Variants in PPM1E observed in about 807,000 individuals in gnomAD.
The protein encoded by PPM1E is protein phosphatase 1E.
A neutral mutation model predicts 65.9 loss-of-function variants in PPM1E; 20 were observed. That is an observed-to-expected ratio of 0.30 (90% confidence interval 0.21 to 0.44). The LOEUF is 0.44. Ranked by LOEUF, PPM1E falls within the 20% of genes least tolerant of loss-of-function variation. PPM1E has a pLI of 1.00. For missense variants in PPM1E, 713 were observed against 953.1 expected, an observed-to-expected ratio of 0.75 and a Z score of 3.32; for synonymous variants, 352 against 374.9, an observed-to-expected ratio of 0.94 and a Z score of 0.70.
chr17:58,765,352 G>A (rs1213525764), intron 1 of PPM1E, among the ~76,000 whole-genome samples: 5 of 151,216 alleles, frequency 3.3e-5, no homozygotes, highest in Non-Finnish European at 7.4e-5. Flanking sequence ...TAATTTTTGT[G>A]TTTTTAGTAG....
intron 1 of PPM1E, among the ~76,000 whole-genome samples, chr17:58,857,513 G>A (rs577602858): frequency 1.3e-5 from 2 of 152,120 alleles, no homozygotes; most frequent in African/African-American, 4.8e-5. Flanking sequence ...AAGGTTAATA[G>A]GGTTACTGAG....
At chr17:58,819,104 A>T (rs755062867) in intron 1 of PPM1E, among the ~76,000 whole-genome samples, 2 of 152,194 alleles carry the variant, frequency 1.3e-5, no homozygotes, top group Non-Finnish European at 2.9e-5. Flanking sequence ...AACTGTTATT[A>T]TGGTGGTTGA....
chr17:58,977,475 A>G (rs1345377404), intron 6 of PPM1E, among the ~76,000 whole-genome samples: 4 of 151,974 alleles, frequency 2.6e-5, no homozygotes, highest in Non-Finnish European at 5.9e-5. Flanking sequence ...GAATGAATGA[A>G]TGGAGAAGAG....
intron 2 of PPM1E, among the ~76,000 whole-genome samples, chr17:58,958,106 G>A (rs901217136): frequency 6.6e-5 from 10 of 151,874 alleles, no homozygotes; most frequent in East Asian, 1.9e-4. Context: ...ACTACAACCC[G>A]GTCAACAGAG....
chr17:58,911,183 G>A (rs895060107), intron 1 of PPM1E, among the ~76,000 whole-genome samples: 5 of 152,160 alleles, frequency 3.3e-5, no homozygotes, highest in Non-Finnish European at 7.4e-5. Context: ...CCAATTTTAG[G>A]AGCAACTGTG....
chr17:58,920,463 C>T lies in PPM1E; in HGVS notation c.465-35186C>T, dbSNP rs115072064. Among the ~76,000 whole-genome samples, 759 of 152,290 alleles carry T rather than the reference C, an allele frequency of 5.0e-3. 3 individuals are homozygous for T. The highest frequency in any genetic ancestry group is 0.017 in the African/African-American group (708 of 41,570). ...TCCCACAACTCCTGTCTTTCCAGCC[C>T]TCTCCCTGTAGTATATGGACTTCAA... On this transcript the variant is annotated intron_variant, in intron 1 of 6. Transcript: ENST00000308249.
At chr17:58,792,588 C>A (rs999226929) in intron 1 of PPM1E, among the ~76,000 whole-genome samples, 1 of 151,402 alleles carries the variant, frequency 6.6e-6, no homozygotes, top group East Asian at 1.9e-4. Flanking sequence ...GTGATCTGAC[C>A]GCCTTGGGCT....
At chr17:58,894,977 A>G (rs919512619) in intron 1 of PPM1E, among the ~76,000 whole-genome samples, 23 of 152,168 alleles carry the variant, frequency 1.5e-4, no homozygotes, top group Admixed American at 8.5e-4. Context: ...TGGCAACTCT[A>G]TGTTCAACAA....
rs564641518 is a variant in PPM1E, at chr17:58,817,254, C to A, written c.464+60793C>A. Among the ~76,000 whole-genome samples, 37 of 152,166 alleles carry A rather than the reference C, an allele frequency of 2.4e-4. 1 individual carries two copies. The South Asian group carries it at 6.6e-3, about 27-fold the overall frequency. Reference sequence around the variant, plus strand: ...TTGGTATACAAAGTATCTGTTGAGTCCCTGCTTACAGTTCTTTTGGGTATA... The same window carrying A: ...TTGGTATACAAAGTATCTGTTGAGTACCTGCTTACAGTTCTTTTGGGTATA... On this transcript the variant is annotated intron_variant, in intron 1 of 6. Coordinates refer to ENST00000308249, the MANE Select transcript of PPM1E (RefSeq NM_014906.5).
intron 1 of PPM1E, among the ~76,000 whole-genome samples, chr17:58,886,873 AGTG>A (rs1223484303): frequency 6.6e-6 from 1 of 152,196 alleles, no homozygotes; most frequent in African/African-American, 2.4e-5. Flanking sequence ...TGGGATGCCT[AGTG>A]GTGGGGAGAC....
intron 1 of PPM1E, among the ~76,000 whole-genome samples, chr17:58,940,107 C>T (rs1281477610): frequency 5.3e-5 from 8 of 152,046 alleles, no homozygotes; most frequent in East Asian, 1.9e-4. Context: ...TTACATTTGC[C>T]GAACTTTAAA....
intron 1 of PPM1E, among the ~76,000 whole-genome samples, chr17:58,798,230 G>GTTTTTT (rs980535079): frequency 3.8e-5 from 5 of 130,028 alleles, no homozygotes; most frequent in East Asian, 2.3e-4. Context: ...TTTTTTGTTT[G>GTTTTTT]TTTTTTTTTT....
At chr17:58,908,350 A>G (rs1005523037) in intron 1 of PPM1E, among the ~76,000 whole-genome samples, 1 of 151,878 alleles carries the variant, frequency 6.6e-6, no homozygotes, top group African/African-American at 2.4e-5. Flanking sequence ...AAGTGCTGGG[A>G]TTACAGGCAT....
chr17:58,973,480 T>A (rs561462395), intron 6 of PPM1E, among the ~76,000 whole-genome samples: 1 of 150,364 alleles, frequency 6.7e-6, no homozygotes, highest in Non-Finnish European at 1.5e-5. Flanking sequence ...ACATTTAAAA[T>A]TTTATGGAAG....
chr17:58,865,664 GCT>G (rs1410745569), intron 1 of PPM1E, among the ~76,000 whole-genome samples: 2 of 152,204 alleles, frequency 1.3e-5, no homozygotes, highest in Non-Finnish European at 2.9e-5. Context: ...TGCAGCCACT[GCT>G]CTCCAGACTG....
intron 1 of PPM1E, among the ~76,000 whole-genome samples, chr17:58,769,278 A>G (rs769171271): frequency 1.3e-5 from 2 of 152,112 alleles, no homozygotes; most frequent in Non-Finnish European, 2.9e-5. Flanking sequence ...TTGGAAAGAA[A>G]TCCTGTTTTT....
At chr17:58,914,167 A>G (rs1288804015) in intron 1 of PPM1E, among the ~76,000 whole-genome samples, 1 of 152,150 alleles carries the variant, frequency 6.6e-6, no homozygotes, top group Non-Finnish European at 1.5e-5. Context: ...AGGTAGTTTC[A>G]ATATTACCAT....
chr17:58,890,878 G>A (rs2051336423), intron 1 of PPM1E, among the ~76,000 whole-genome samples: 1 of 152,032 alleles, frequency 6.6e-6, no homozygotes, highest in African/African-American at 2.4e-5. Context: ...TCTTTAAACT[G>A]TGAGCTCCAT....
intron 1 of PPM1E, among the ~76,000 whole-genome samples, chr17:58,874,399 TGAA>T (rs966287755): frequency 6.6e-5 from 10 of 152,316 alleles, no homozygotes; most frequent in African/African-American, 2.4e-4. Context: ...CTCTCACTAC[TGAA>T]GAACAAATAA....
Sources: gnomAD v4.1 joint callset for allele counts (sites outside exome capture counted in the v4.1 genomes callset) on GRCh38, gnomAD v4.1.1 for gene constraint, MANE v1.5 for transcripts, NCBI Gene and HGNC (gene_info 2026-07-23, HGNC 2026-07-21) for gene names.